The following SORCS2 variants were observed in gnomAD, a reference collection of about 807,000 sequenced individuals.
The protein encoded by SORCS2 is VPS10 domain-containing receptor SorCS2.
A neutral mutation model predicts 141.6 loss-of-function variants in SORCS2; 100 were observed. The ratio of observed to expected loss-of-function variants is 0.71; its 90% CI spans 0.60 to 0.83. The LOEUF (loss-of-function observed/expected upper bound fraction) is 0.83, where lower values mean the gene tolerates loss of function less well. Among genes scored for constraint, SORCS2 ranks in the 40% least tolerant of loss-of-function variants. The pLI is 0.00. For synonymous variants in SORCS2, 789 were observed against 676.9 expected, an observed-to-expected ratio of 1.17 and a Z score of -2.57; for missense variants, 1,646 against 1,560.2, an observed-to-expected ratio of 1.05 and a Z score of -0.93.
chr4:7,679,494 GA>G (rs111990862), intron 9 of SORCS2, among the ~76,000 whole-genome samples: 1,990 of 152,338 alleles, frequency 0.013, 42 homozygotes, highest in African/African-American at 0.042. Context: ...TTATCCAAGG[GA>G]CTCTAAATGC....
intron 1 of SORCS2, among the ~76,000 whole-genome samples, chr4:7,250,528 G>A (rs1051228216): frequency 5.3e-5 from 8 of 152,352 alleles, no homozygotes; most frequent in African/African-American, 1.9e-4. Flanking sequence ...TTATGTCCCT[G>A]AGACATATCG....
rs188803817 is a variant in SORCS2, at chr4:7,435,781, C to T, written c.548+39426C>T. Among the ~76,000 whole-genome samples the T allele has an allele frequency of 4.0e-3, 608 of 152,370 alleles. 6 individuals carry two copies. Among genetic ancestry groups the T allele is most frequent in the African/African-American group, 0.014 (563 of 41,588 alleles). On this transcript the variant is annotated intron_variant, in intron 2 of 26. Transcript: ENST00000507866. ...AGTCAGCTGGGTGAGCACGCACAGG[C>T]GCCTTGCGTCGGGTCCTGTTCATTA... is the stretch of plus-strand genomic sequence containing the variant.
chr4:7,722,205 A>G (rs940785231), intron 18 of SORCS2, among the ~76,000 whole-genome samples: 4 of 152,164 alleles, frequency 2.6e-5, no homozygotes, highest in Admixed American at 2.0e-4. Flanking sequence ...TGGGTCACAC[A>G]TGCCTTCTCC....
At chr4:7,569,202 C>T (rs887966973) in intron 3 of SORCS2, among the ~76,000 whole-genome samples, 17 of 152,184 alleles carry the variant, frequency 1.1e-4, no homozygotes, top group African/African-American at 2.4e-4. Flanking sequence ...AGGCCTGTGC[C>T]TTGAAGAGCC....
chr4:7,456,524 G>A (rs555047427), intron 2 of SORCS2, among the ~76,000 whole-genome samples: 4 of 152,278 alleles, frequency 2.6e-5, no homozygotes, highest in Non-Finnish European at 4.4e-5. Context: ...AATGGTCCGG[G>A]CACTGTTGTC....
intron 1 of SORCS2, among the ~76,000 whole-genome samples, chr4:7,277,351 C>T (rs1250150478): frequency 6.6e-6 from 1 of 152,168 alleles, no homozygotes; most frequent in East Asian, 1.9e-4. Context: ...GCGGGGGTCT[C>T]TGCCTGTGTG....
intron 1 of SORCS2, among the ~76,000 whole-genome samples, chr4:7,216,054 C>T (rs1728332078): frequency 6.6e-6 from 1 of 152,188 alleles, no homozygotes; most frequent in Non-Finnish European, 1.5e-5. Flanking sequence ...TGGGTCCACA[C>T]TGCTTTTATG....
chr4:7,559,339 A>T (rs940659959), intron 3 of SORCS2, among the ~76,000 whole-genome samples: 10 of 152,134 alleles, frequency 6.6e-5, no homozygotes, highest in African/African-American at 2.2e-4. Flanking sequence ...GTGAAGCTGG[A>T]TTGAAGCATC....
chr4:7,682,623 T>G, intron 9 of SORCS2, 120 bp from the exon 10 acceptor site: 1 of 973,690 alleles, frequency 1.0e-6, no homozygotes, highest in Non-Finnish European at 1.5e-6. Flanking sequence ...CTGGACATTG[T>G]GACTGTGAAA....
At chr4:7,657,542 TGAA>T (rs1721856684) in intron 5 of SORCS2, among the ~76,000 whole-genome samples, 1 of 151,704 alleles carries the variant, frequency 6.6e-6, no homozygotes, top group Non-Finnish European at 1.5e-5. Flanking sequence ...AGTGAAAGAA[TGAA>T]TGAGTGAATG....
intron 2 of SORCS2, among the ~76,000 whole-genome samples, chr4:7,421,091 T>G (rs942564338): frequency 6.6e-6 from 1 of 152,160 alleles, no homozygotes; most frequent in Non-Finnish European, 1.5e-5. Context: ...CCTAGGGCTG[T>G]TTCGCTCCAT....
At chr4:7,253,394 G>A (rs1020519644) in intron 1 of SORCS2, among the ~76,000 whole-genome samples, 2 of 152,170 alleles carry the variant, frequency 1.3e-5, no homozygotes, top group Admixed American at 6.5e-5. Flanking sequence ...AGTTTATTCT[G>A]AGCAGTGACA....
chr4:7,677,763 G>A (rs1450397614), intron 9 of SORCS2, among the ~76,000 whole-genome samples: 1 of 152,182 alleles, frequency 6.6e-6, no homozygotes, highest in African/African-American at 2.4e-5. Flanking sequence ...CCATTTGTCA[G>A]GGTTCATCTC....
At chr4:7,675,568 A>G (rs997099611) in intron 8 of SORCS2, among the ~76,000 whole-genome samples, 1 of 152,152 alleles carries the variant, frequency 6.6e-6, no homozygotes, top group Admixed American at 6.5e-5. Context: ...CAGTGGCTGG[A>G]AAGTTTCTGG....
At chr4:7,492,852 A>C (rs1731396181) in intron 2 of SORCS2, among the ~76,000 whole-genome samples, 2 of 152,224 alleles carry the variant, frequency 1.3e-5, no homozygotes, top group Non-Finnish European at 2.9e-5. Flanking sequence ...GCACCTGCGG[A>C]GCCTCTGACC....
chr4:7,284,480 C>T (rs1352118624), intron 1 of SORCS2, among the ~76,000 whole-genome samples: 4 of 152,208 alleles, frequency 2.6e-5, no homozygotes, highest in African/African-American at 9.6e-5. Flanking sequence ...ACTGTGGGAA[C>T]CCAGGACTTT....
intron 19 of SORCS2, 23 bp downstream of exon 19, chr4:7,723,906 G>A (rs1168472295): frequency 1.9e-6 from 3 of 1,578,248 alleles, no homozygotes; most frequent in Non-Finnish European, 2.6e-6. Context: ...CCCCTTTGAG[G>A]CCAAAGGTCA....
chr4:7,447,581 G>A (rs765540446), intron 2 of SORCS2, among the ~76,000 whole-genome samples: 5 of 151,760 alleles, frequency 3.3e-5, no homozygotes, highest in African/African-American at 9.7e-5. Flanking sequence ...GTTCTGTTTT[G>A]CAGGGAGAGA....
chr4:7,564,121 G>C (rs528022679), intron 3 of SORCS2, among the ~76,000 whole-genome samples: 1 of 152,182 alleles, frequency 6.6e-6, no homozygotes, highest in Non-Finnish European at 1.5e-5. Context: ...GGTGTCTCCC[G>C]GCTTCACTGA....
Sources: allele counts gnomAD v4.1 joint callset (sites outside exome capture counted in the v4.1 genomes callset), GRCh38; gene constraint gnomAD v4.1.1; transcripts MANE v1.5; gene names NCBI Gene and HGNC (gene_info 2026-07-23, HGNC 2026-07-21).